The following NCKAP1 variants were observed in gnomAD, a reference collection of about 807,000 sequenced individuals.
NCKAP1 encodes nck-associated protein 1.
A neutral mutation model predicts 151.2 loss-of-function variants in NCKAP1; 21 were observed. The observed-to-expected ratio is 0.14, with a 90% CI of 0.10 to 0.20. The LOEUF (loss-of-function observed/expected upper bound fraction) is 0.20, where lower values mean the gene tolerates loss of function less well. NCKAP1 is among the 10% of genes least tolerant of loss of function. NCKAP1 has a pLI of 1.00. For missense variants in NCKAP1, 933 were observed against 1,352.1 expected (o/e 0.69, Z 4.86); for synonymous variants, 484 against 451.8 (o/e 1.07, Z -0.90).
intron 27 of NCKAP1, 119 bp downstream of exon 27, chr2:182,930,576 A>G: frequency 1.3e-6 from 1 of 752,586 alleles, no homozygotes; most frequent in Non-Finnish European, 2.2e-6. Flanking sequence ...TAATAATAAC[A>G]AATTTAAAAA....
rs754776231 is a variant in NCKAP1 at position 183,024,944 on chromosome 2, A to G, written c.109-1028T>C. ...CATGAAACTGATCTGAAAGCGGGCA[A>G]GCGGGCAGAGGGAAGGTGAAAAGCT... is the stretch of plus-strand genomic sequence containing the variant. On this transcript the variant is annotated intron_variant, in intron 1 of 30. Coordinates refer to ENST00000361354, the MANE Select transcript of NCKAP1 (RefSeq NM_013436.5). 36 of 1,610,826 alleles carry G rather than the reference A, an allele frequency of 2.2e-5. 1 individual carries two copies. In the Admixed American group the frequency reaches 5.0e-4, roughly 22 times the overall value.
At chr2:182,983,406 G>C in intron 10 of NCKAP1, 24 bp from the exon 11 acceptor site, 1 of 1,471,818 alleles carries the variant, frequency 6.8e-7, no homozygotes, top group Non-Finnish European at 9.4e-7. Flanking sequence ...CACCATAATA[G>C]TTTATCTGCT....
At chr2:182,981,111 G>A (rs1017903056) in intron 13 of NCKAP1, 133 bp downstream of exon 13, 1 of 1,150,922 alleles carries the variant, frequency 8.7e-7, no homozygotes, top group South Asian at 1.6e-5. Flanking sequence ...TCTAGGTAAT[G>A]ATCTCCAAAA....
At chr2:183,026,448 G>A (rs999394767) in intron 1 of NCKAP1, among the ~76,000 whole-genome samples, 1 of 149,282 alleles carries the variant, frequency 6.7e-6, no homozygotes, top group Non-Finnish European at 1.5e-5. Context: ...ACCGCAGCCT[G>A]AGCCACAGAG....
rs1696419726 is a variant in NCKAP1 at position 182,913,030 on chromosome 2, C to T, written c.*12672G>A. ...CACTTGAGCCTCTGTTCAGTTTTGA[C>T]GTTACCATGTTGAATAGTTGTTATT... On this transcript the variant is annotated 3_prime_UTR_variant, in exon 31 of 31. Coordinates refer to ENST00000361354, the MANE Select transcript of NCKAP1 (RefSeq NM_013436.5). 1 of 152,198 alleles carries T rather than the reference C, an allele frequency of 6.6e-6. No homozygotes were observed. Among genetic ancestry groups the T allele is most frequent in the Admixed American group, 6.5e-5 (1 of 15,272 alleles). 9.4% of individuals were successfully genotyped at this position (152,198 alleles called of 1,614,324 possible). A position where few individuals can be genotyped will look rare whatever the true frequency, so the allele number is the denominator to read the frequency against.
Position 182,957,456 on chromosome 2 carries a change from C to A in NCKAP1, c.2021+1G>T. The A allele has an allele frequency of 6.2e-7, 1 of 1,610,042 alleles. No homozygotes were observed. Among genetic ancestry groups the A allele is most frequent in the South Asian group, 1.1e-5 (1 of 90,114 alleles). ...AAGGTATAATATAAGTGGATACTTA[C>A]TTGGTCACAACCAGCCTGTTTTTCC... On this transcript the variant is annotated splice_donor_variant, in intron 19 of 30. Transcript: ENST00000361354. LOFTEE classifies it high-confidence loss of function.
Position 182,957,591 on chromosome 2 carries a change from T to G in NCKAP1, c.1887A>C (p.Leu629=), listed in dbSNP as rs1411337184. The G allele has an allele frequency of 6.2e-7, 1 of 1,610,264 alleles. No individual in the cohort carries two copies. Among genetic ancestry groups the G allele is most frequent in the Admixed American group, 1.7e-5 (1 of 59,146 alleles). ...TGATAGTTTTGGCACAATGCTTGGGTAGCAACTAAATTTAGAAAAGAATGA... is the reference window on the plus strand; with the variant it reads ...TGATAGTTTTGGCACAATGCTTGGGGAGCAACTAAATTTAGAAAAGAATGA... ...TEQCTLSDQL[L]PKHCAKTISQ... The change falls in exon 19 of 31, where the codon CTA becomes CTC. Residue 629 remains leucine, a synonymous_variant. Transcript: ENST00000361354.
At chr2:182,950,078 G>A (rs561244762) in intron 23 of NCKAP1, among the ~76,000 whole-genome samples, 6 of 152,126 alleles carry the variant, frequency 3.9e-5, no homozygotes, top group East Asian at 1.9e-4. Flanking sequence ...TGAATGTCAC[G>A]AACAGGCAAG....
chr2:182,937,456 CAAAT>C (rs1696901558), intron 24 of NCKAP1, among the ~76,000 whole-genome samples: 1 of 152,076 alleles, frequency 6.6e-6, no homozygotes, highest in Non-Finnish European at 1.5e-5. Flanking sequence ...ACCAGGCAAA[CAAAT>C]AGGTAGTGGG....
chr2:182,963,917 T>C (rs932727655), intron 17 of NCKAP1, among the ~76,000 whole-genome samples: 6 of 152,174 alleles, frequency 3.9e-5, no homozygotes, highest in East Asian at 1.9e-4. Flanking sequence ...CCTGGAATAC[T>C]GGCATACAAT....
At chr2:183,013,699 T>C (rs557311331) in intron 2 of NCKAP1, among the ~76,000 whole-genome samples, 1 of 152,252 alleles carries the variant, frequency 6.6e-6, no homozygotes, top group South Asian at 2.1e-4. Context: ...TCCTATGGCA[T>C]CTCAACACAC....
intron 25 of NCKAP1, 94 bp from the exon 26 acceptor site, chr2:182,934,926 TA>T: frequency 1.6e-6 from 1 of 624,474 alleles, no homozygotes; most frequent in East Asian, 3.2e-5. Context: ...TTAGTTTTCA[TA>T]AAAATTATTT....
chr2:182,958,821 G>A (rs1697378761), intron 18 of NCKAP1, among the ~76,000 whole-genome samples: 1 of 152,176 alleles, frequency 6.6e-6, no homozygotes, highest in Non-Finnish European at 1.5e-5. Flanking sequence ...GGTAGAAGGA[G>A]AGCTTCACTG....
Position 182,917,386 on chromosome 2 carries a change from T to C in NCKAP1, c.*8316A>G, listed in dbSNP as rs531347997. The C allele has an allele frequency of 6.6e-5, 10 of 152,252 alleles. No homozygotes were observed. The highest frequency in any genetic ancestry group is 5.9e-4 in the Admixed American group (9 of 15,282). The allele number at this position is 152,252 out of a possible 1,614,324, so 9.4% of individuals were successfully genotyped here. ...GCATATATGCGGCAACACAGCACAGTGGAAGGAACACTATATGAGCACATC... is the reference window on the plus strand; with the variant it reads ...GCATATATGCGGCAACACAGCACAGCGGAAGGAACACTATATGAGCACATC... On this transcript the variant is annotated 3_prime_UTR_variant, in exon 31 of 31. Coordinates refer to ENST00000361354, the MANE Select transcript of NCKAP1 (RefSeq NM_013436.5).
intron 2 of NCKAP1, among the ~76,000 whole-genome samples, chr2:183,010,262 A>G (rs1290587159): frequency 6.6e-6 from 1 of 152,208 alleles, no homozygotes; most frequent in African/African-American, 2.4e-5. Context: ...TTCTAAGTCC[A>G]GGGCAAGGTC....
chr2:182,945,920 G>A (rs1367666022), intron 23 of NCKAP1, among the ~76,000 whole-genome samples: 2 of 152,054 alleles, frequency 1.3e-5, no homozygotes, highest in Admixed American at 6.6e-5. Flanking sequence ...AATGCCCATC[G>A]ACAATAGACT....
At chr2:182,927,587 A>G (rs1426766662) in intron 29 of NCKAP1, among the ~76,000 whole-genome samples, 1 of 152,052 alleles carries the variant, frequency 6.6e-6, no homozygotes, top group Non-Finnish European at 1.5e-5. Flanking sequence ...ACTAAAAACC[A>G]TGTTTCATGA....
intron 2 of NCKAP1, among the ~76,000 whole-genome samples, chr2:183,013,673 T>C (rs1698631279): frequency 6.6e-6 from 1 of 152,172 alleles, no homozygotes; most frequent in Admixed American, 6.5e-5. Flanking sequence ...ATCACTTCAT[T>C]CCCCTACTAC....
intron 24 of NCKAP1, among the ~76,000 whole-genome samples, chr2:182,939,157 C>G (rs1283123826): frequency 6.6e-6 from 1 of 151,880 alleles, no homozygotes; most frequent in Non-Finnish European, 1.5e-5. Flanking sequence ...GAACCTAGTC[C>G]CAAGAAACAG....
Sources: allele counts gnomAD v4.1 joint callset (sites outside exome capture counted in the v4.1 genomes callset), GRCh38; gene constraint gnomAD v4.1.1; transcripts MANE v1.5; gene names NCBI Gene and HGNC (gene_info 2026-07-23, HGNC 2026-07-21).